The following YAF2 variants were observed in gnomAD, a reference collection of about 807,000 sequenced individuals.
YAF2 encodes the protein YY1-associated factor 2.
In YAF2, 7 loss-of-function variants were observed where a neutral mutation model predicts 20.1. The ratio of observed to expected loss-of-function variants is 0.35; its 90% CI spans 0.20 to 0.65. The LOEUF is 0.65. YAF2 is among the 30% of genes least tolerant of loss of function. The pLI is 0.69. For missense variants in YAF2, 151 were observed against 219.2 expected (o/e 0.69, Z 1.96); for synonymous variants, 74 against 76.0 (o/e 0.97, Z 0.14).
chr12:42,200,225 A>G (rs764424846), intron 2 of YAF2, among the ~76,000 whole-genome samples: 37 of 152,228 alleles, frequency 2.4e-4, no homozygotes, highest in Non-Finnish European at 4.3e-4. Context: ...CCGTGCTCCA[A>G]ATCAAGACAT....
Position 42,160,803 on chromosome 12 carries a change from C to T in YAF2, c.329G>A (p.Arg110Gln), listed in dbSNP as rs2065782539. 1 of 1,611,374 alleles carries T rather than the reference C, an allele frequency of 6.2e-7. No homozygotes were observed. Among genetic ancestry groups the T allele is most frequent in the Non-Finnish European group, 8.5e-7 (1 of 1,179,050 alleles). Residue 110 changes from arginine (R) to glutamine (Q), a missense_variant, in exon 4 of 4, where the codon CGG becomes CAG. Coordinates refer to ENST00000534854, the MANE Select transcript of YAF2 (RefSeq NM_005748.6). Reference protein sequence around the residue: ...KTRPRLKNVDRSSAQHLEVTV... With the variant: ...KTRPRLKNVDQSSAQHLEVTV... ...AACTTCCAAATGCTGAGCACTACTC[C>T]GATCCACATTTTTCAATCTTGGCCT...
chr12:42,232,562 T>C (rs1398643013), intron 2 of YAF2: 21 of 985,332 alleles, frequency 2.1e-5, no homozygotes, highest in Non-Finnish European at 2.2e-5. Flanking sequence ...AAATGGTTGC[T>C]AGAAAGGCTC....
chr12:42,192,464 G>A (rs1192397332), intron 2 of YAF2, among the ~76,000 whole-genome samples: 2 of 152,100 alleles, frequency 1.3e-5, no homozygotes, highest in African/African-American at 2.4e-5. Flanking sequence ...AGCTGTGATC[G>A]TGCCACTGCA....
chr12:42,237,760 G>A (rs1166136738), intron 1 of YAF2, 36 bp from the exon 2 acceptor site: 2 of 1,442,074 alleles, frequency 1.4e-6, no homozygotes, highest in Admixed American at 2.5e-5. Context: ...GCGGCGCGGG[G>A]TCACCAGCAG....
At chr12:42,164,899 A>G (rs546431427) in intron 2 of YAF2, among the ~76,000 whole-genome samples, 13 of 152,028 alleles carry the variant, frequency 8.6e-5, no homozygotes, top group Non-Finnish European at 1.6e-4. Context: ...GTGAAAACCC[A>G]TCTCTACAAA....
chr12:42,202,606 T>C (rs1378521809), intron 2 of YAF2, among the ~76,000 whole-genome samples: 1 of 152,188 alleles, frequency 6.6e-6, no homozygotes, highest in African/African-American at 2.4e-5. Context: ...TTCTTTGTCA[T>C]TGTATATAGT....
At chr12:42,228,145 G>A (rs1486221935) in intron 2 of YAF2, among the ~76,000 whole-genome samples, 3 of 60,114 alleles carry the variant, frequency 5.0e-5, no homozygotes, top group South Asian at 7.3e-4. Context: ...CGGGAGGGAG[G>A]TGGGGGGGGT....
chr12:42,210,713 T>G (rs1565637498), intron 2 of YAF2: 1 of 1,518,580 alleles, frequency 6.6e-7, no homozygotes, highest in East Asian at 2.5e-5. Context: ...TCATTTTATT[T>G]GAGATTATTA....
At chr12:42,164,622 G>C (rs2065870287) in intron 2 of YAF2, among the ~76,000 whole-genome samples, 1 of 151,920 alleles carries the variant, frequency 6.6e-6, no homozygotes, top group Non-Finnish European at 1.5e-5. Context: ...GAAGTAATCT[G>C]CTTAGTAACA....
Position 42,159,589 on chromosome 12 carries a change from TAAG to T in YAF2, c.*997_*999del, listed in dbSNP as rs1334353447. On this transcript the variant is annotated 3_prime_UTR_variant, in exon 4 of 4. Coordinates refer to ENST00000534854, the MANE Select transcript of YAF2 (RefSeq NM_005748.6). ...TTTTCATAAGAATTATTGTATTTAA[TAAG>T]AAGCCAATTTGACTGATTTAAAATT... 3.9e-5 allele frequency: 6 copies of T among 152,260 alleles called. No individual in the cohort carries two copies. Among genetic ancestry groups the T allele is most frequent in the South Asian group, 4.1e-4 (2 of 4,832 alleles). The allele number at this position is 152,260 out of a possible 1,614,324, so 9.4% of individuals were successfully genotyped here.
intron 2 of YAF2, among the ~76,000 whole-genome samples, chr12:42,199,783 T>C (rs943128962): frequency 1.3e-5 from 2 of 152,046 alleles, no homozygotes; most frequent in Non-Finnish European, 2.9e-5. Flanking sequence ...ATTAAAAGAC[T>C]ATTAGCTTAA....
intron 2 of YAF2, among the ~76,000 whole-genome samples, chr12:42,199,782 C>G (rs1335051850): frequency 6.6e-6 from 1 of 151,826 alleles, no homozygotes; most frequent in East Asian, 1.9e-4. Flanking sequence ...TATTAAAAGA[C>G]TATTAGCTTA....
chr12:42,181,458 A>G (rs1270391186), intron 2 of YAF2, among the ~76,000 whole-genome samples: 1 of 151,504 alleles, frequency 6.6e-6, no homozygotes. Context: ...CTTCTTGCGT[A>G]ATGATCAGAT....
chr12:42,165,314 C>T (rs2065887965), intron 2 of YAF2, among the ~76,000 whole-genome samples: 1 of 152,126 alleles, frequency 6.6e-6, no homozygotes, highest in South Asian at 2.1e-4. Context: ...AAACAGGTAT[C>T]ACAATGGACC....
In YAF2 at chr12:42,238,187, G is replaced by A. The variant is rs772408966; in HGVS notation, c.-7C>T. 5.9e-6 allele frequency: 9 copies of A among 1,518,172 alleles called. No individual in the cohort carries two copies. Among genetic ancestry groups the A allele is most frequent in the Non-Finnish European group, 8.0e-6 (9 of 1,130,000 alleles). 94.0% of individuals were successfully genotyped at this position (1,518,172 alleles called of 1,614,324 possible). On this transcript the variant is annotated 5_prime_UTR_variant, in exon 1 of 4. Transcript: ENST00000534854. ...GGCTCTTCTTGTCTCCCATGGCTTG[G>A]CTATCACCGCACGCCGAGAGTCGCC...
chr12:42,166,264 G>A (rs2065915018), intron 2 of YAF2, among the ~76,000 whole-genome samples: 1 of 152,032 alleles, frequency 6.6e-6, no homozygotes, highest in African/African-American at 2.4e-5. Context: ...ACCACTTCTT[G>A]GACTTGTATC....
At chr12:42,227,751 G>A (rs1395479017) in intron 2 of YAF2, among the ~76,000 whole-genome samples, 1 of 150,106 alleles carries the variant, frequency 6.7e-6, no homozygotes, top group Admixed American at 6.6e-5. Flanking sequence ...GGGAGGTGGG[G>A]GGGTCAGCCC....
intron 2 of YAF2, among the ~76,000 whole-genome samples, chr12:42,175,734 C>T (rs1235929740): frequency 9.0e-5 from 3 of 33,396 alleles, no homozygotes; most frequent in Admixed American, 6.1e-4. Flanking sequence ...GAGCAAGACT[C>T]TGTCTCAAAA....
intron 2 of YAF2, among the ~76,000 whole-genome samples, chr12:42,226,161 T>C (rs1221350807): frequency 1.3e-5 from 2 of 152,216 alleles, no homozygotes; most frequent in African/African-American, 4.8e-5. Flanking sequence ...ATATATTTCT[T>C]AATACGCTGT....
Sources: allele counts gnomAD v4.1 joint callset (sites outside exome capture counted in the v4.1 genomes callset), GRCh38; gene constraint gnomAD v4.1.1; transcripts MANE v1.5; gene names NCBI Gene and HGNC (gene_info 2026-07-23, HGNC 2026-07-21).